Variants in FXR2 observed in about 807,000 individuals in gnomAD.
The protein encoded by FXR2 is FMR1 autosomal homolog 2.
Under a neutral mutation model 87.3 loss-of-function variants are expected in FXR2, and 9 were observed. The observed-to-expected ratio is 0.10, with a 90% CI of 0.06 to 0.18. The LOEUF is 0.18. FXR2 is among the 10% of genes least tolerant of loss of function. FXR2 has a pLI of 1.00. For synonymous variants in FXR2, 331 were observed against 328.3 expected (o/e 1.01, Z -0.09); for missense variants, 661 against 893.6 (o/e 0.74, Z 3.32).
rs1240972258 is a variant in FXR2, at chr17:7,603,871, G to A, written c.335C>T (p.Thr112Ile). The A allele has an allele frequency of 6.8e-6, 11 of 1,613,856 alleles. No homozygotes were observed. The highest frequency in any genetic ancestry group is 9.3e-6 in the Non-Finnish European group (11 of 1,179,876). Reference protein sequence around the residue: ...YVIEYAACDATYNEIVTLERL... With the variant: ...YVIEYAACDAIYNEIVTLERL... ...CTCCAGGGTAACAATTTCATTGTAG[G>A]TGGCATCACAGGCAGCATATTCAAT... The change falls in exon 5 of 17, where the codon ACC becomes ATC. Residue 112 changes from threonine (T) to isoleucine (I), a missense_variant. Around this residue, in one of 3 missense-constraint regions of FXR2, gnomAD observed 170 missense variants for 247.2 expected, o/e 0.69. Coordinates refer to ENST00000250113, the MANE Select transcript of FXR2 (RefSeq NM_004860.4).
Position 7,592,787 on chromosome 17 carries a change from G to C in FXR2, c.1636C>G (p.Arg546Gly). The C allele has an allele frequency of 1.2e-6, 2 of 1,613,712 alleles. No individual in the cohort carries two copies. Among genetic ancestry groups the C allele is most frequent in the Non-Finnish European group, 1.7e-6 (2 of 1,179,820 alleles). The change falls in exon 14 of 17, where the codon CGC becomes GGC. Residue 546 changes from arginine (R) to glycine (G), a missense_variant. Physicochemically the swap from Arg to Gly is moderately radical, Grantham distance 125. Coordinates refer to ENST00000250113, the MANE Select transcript of FXR2 (RefSeq NM_004860.4). The surrounding 1 kb of genome is among the most constrained non-coding windows in gnomAD (Gnocchi z 4.8). Reference protein sequence around the residue: ...GEPPPASARRRRSRRRRTDED... With the variant: ...GEPPPASARRGRSRRRRTDED... The stretch of plus-strand genomic sequence containing the variant: ...TCAGTGCGGCGGCGGCGGGAGCGGC[G>C]GCGCCTGGCACTTGCTGGGGGGGGT...
chr17:7,609,395 C>T lies in FXR2; in HGVS notation c.82-3246G>A, dbSNP rs965268845. On this transcript the variant is annotated intron_variant, in intron 1 of 16. Coordinates refer to ENST00000250113, the MANE Select transcript of FXR2 (RefSeq NM_004860.4). ...GGGATATGTCTTGCTATAGAGGCTG[C>T]AGTCAGTCAAGATCATTCTTGACTG... 2.0e-5 allele frequency among the ~76,000 whole-genome samples: 3 copies of T among 152,264 alleles called. No individual in the cohort carries two copies. The South Asian group carries it at 6.2e-4, about 32-fold the overall frequency.
intron 6 of FXR2, chr17:7,602,686 G>A (rs2071768411): frequency 4.7e-6 from 2 of 422,334 alleles, no homozygotes; most frequent in African/African-American, 4.1e-5. Context: ...CCGAGATCGT[G>A]CCATTGTTCT....
At chr17:7,602,642 T>C (rs1216973623) in intron 6 of FXR2, 4 of 298,168 alleles carry the variant, frequency 1.3e-5, no homozygotes, top group South Asian at 8.8e-5. Flanking sequence ...GGCAGGAGAA[T>C]TGCTTGAACC....
At position 7,593,828 on chromosome 17, in the gene FXR2, C is replaced by CA; in HGVS notation, c.1107+89dup. The CA allele has an allele frequency of 1.1e-6, 1 of 944,122 alleles. No homozygotes were observed. The allele number at this position is 944,122 out of a possible 1,614,324, so 58.5% of individuals were successfully genotyped here. On this transcript the variant is annotated intron_variant, in intron 11 of 16. Transcript: ENST00000250113. This position sits in a 1 kb window ranked among gnomAD's most constrained non-coding sequence, Gnocchi z 6.1. ...ATGTTTTCTGTTCTACACGGAGAGA[C>CA]AAACAGAGAACCAAAATCCCTGAGC...
chr17:7,596,012 T>C lies in FXR2; in HGVS notation c.661-18A>G, dbSNP rs767532628. ...TTGCTTGTCTGAAAGGAAAAGTCACTGTAGGAATCATGGTGGTAGAATCTC... is the reference window on the plus strand; with the variant it reads ...TTGCTTGTCTGAAAGGAAAAGTCACCGTAGGAATCATGGTGGTAGAATCTC... On this transcript the variant is annotated intron_variant, in intron 7 of 16. Coordinates refer to ENST00000250113, the MANE Select transcript of FXR2 (RefSeq NM_004860.4). The C allele has an allele frequency of 1.9e-6, 3 of 1,604,300 alleles. No homozygotes were observed. The highest frequency in any genetic ancestry group is 1.1e-5 in the South Asian group (1 of 90,776).
intron 7 of FXR2, among the ~76,000 whole-genome samples, chr17:7,599,135 CAA>C (rs35150877): frequency 1.3e-3 from 165 of 131,708 alleles, no homozygotes; most frequent in Non-Finnish European, 1.3e-3. Flanking sequence ...AAACTGTCTC[CAA>C]AAAAAAAAAA....
Position 7,592,897 on chromosome 17 carries a change from G to A in FXR2, c.1529-3C>T. On this transcript the variant is annotated splice_region_variant and splice_polypyrimidine_tract_variant and intron_variant, in intron 13 of 16. Coordinates refer to ENST00000250113, the MANE Select transcript of FXR2 (RefSeq NM_004860.4). The surrounding 1 kb of genome is among the most constrained non-coding windows in gnomAD (Gnocchi z 4.8). The stretch of plus-strand genomic sequence containing the variant: ...ATTACTGTCTGGATCCTTCAGCACT[G>A]GTCAGAGGAAGAAGAGGAGGAGTTG... 6.4e-7 allele frequency: 1 copy of A among 1,564,180 alleles called. No individual in the cohort carries two copies. Among genetic ancestry groups the A allele is most frequent in the Non-Finnish European group, 8.7e-7 (1 of 1,154,750 alleles).
rs562441636 is a variant in FXR2, at chr17:7,614,436, C to T, written c.81+16G>A. On this transcript the variant is annotated intron_variant, in intron 1 of 16. Transcript: ENST00000250113. Reference sequence around the variant, plus strand: ...GGGGCTAAGGACCGGCGTCCCCAGTCGGCGCGCCGTCTCACCTTGTAGAAG... The same window carrying T: ...GGGGCTAAGGACCGGCGTCCCCAGTTGGCGCGCCGTCTCACCTTGTAGAAG... 1.9e-5 allele frequency: 29 copies of T among 1,514,760 alleles called. No individual in the cohort carries two copies. The Admixed American group carries it at 3.3e-4, about 17-fold the overall frequency. 93.8% of individuals were successfully genotyped at this position (1,514,760 alleles called of 1,614,324 possible).
intron 1 of FXR2, among the ~76,000 whole-genome samples, chr17:7,610,019 T>A (rs1378304157): frequency 7.4e-6 from 1 of 135,086 alleles, no homozygotes. Context: ...TATATATACA[T>A]GTATATGTAT....
In FXR2 at chr17:7,592,428, C is replaced by T. The variant is rs751315316; in HGVS notation, c.1826-74G>A. On this transcript the variant is annotated intron_variant, in intron 15 of 16. Coordinates refer to ENST00000250113, the MANE Select transcript of FXR2 (RefSeq NM_004860.4). This position sits in a 1 kb window ranked among gnomAD's most constrained non-coding sequence, Gnocchi z 4.8. The stretch of plus-strand genomic sequence containing the variant: ...GCCTAAGACACCCACTGAACCCGAA[C>T]CCCTGATTTTCACAGGGGTGAGCAT... 1.5e-5 allele frequency: 23 copies of T among 1,552,788 alleles called. No individual in the cohort carries two copies. The Admixed American group carries it at 2.7e-4, about 18-fold the overall frequency.
At chr17:7,605,118 C>T (rs904129592) in intron 3 of FXR2, among the ~76,000 whole-genome samples, 2 of 147,564 alleles carry the variant, frequency 1.4e-5, no homozygotes, top group African/African-American at 5.4e-5. Context: ...CCTGTAATCC[C>T]AGCACTTTGG....
intron 6 of FXR2, among the ~76,000 whole-genome samples, chr17:7,602,349 A>G (rs1429511620): frequency 1.3e-5 from 2 of 152,096 alleles, no homozygotes; most frequent in African/African-American, 4.8e-5. Context: ...GTGGATCAGG[A>G]GATCAGCAGT....
In FXR2 at chr17:7,601,453, G is replaced by A. The variant is rs769775559; in HGVS notation, c.616C>T (p.Leu206=). 1.9e-6 allele frequency: 3 copies of A among 1,613,338 alleles called. No homozygotes were observed. Among genetic ancestry groups the A allele is most frequent in the East Asian group, 2.2e-5 (1 of 44,874 alleles). Reference sequence around the variant, plus strand: ...TCTTCATTGCGGGACATAAGTAGCAGTTTGGTGCGCAGGCTTCGGAAATGC... The same window carrying A: ...TCTTCATTGCGGGACATAAGTAGCAATTTGGTGCGCAGGCTTCGGAAATGC... ...DMHFRSLRTK[L]LLMSRNEEAT... is the part of the protein sequence containing the mutation. Residue 206 remains leucine, a synonymous_variant, in exon 7 of 17, where the codon CTG becomes TTG. Transcript: ENST00000250113.
intron 3 of FXR2, among the ~76,000 whole-genome samples, chr17:7,604,304 CT>C (rs2071784160): frequency 6.6e-6 from 1 of 151,924 alleles, no homozygotes; most frequent in South Asian, 2.1e-4. Context: ...GTGGCTCAAG[CT>C]TATAATCCCA....
intron 1 of FXR2, 66 bp from the exon 2 acceptor site, chr17:7,606,215 A>G: frequency 1.9e-6 from 2 of 1,031,560 alleles, no homozygotes; most frequent in East Asian, 2.6e-5. Context: ...TTAGCCATCA[A>G]GGGAATAAGA....
In FXR2 at chr17:7,594,498, C is replaced by G. The variant is rs1024163778; in HGVS notation, c.911-151G>C. ...AGGTTTCTGATGTGTTTTTACAGGA[C>G]AAAATGTTACAATCCCTAGAAATTT... On this transcript the variant is annotated intron_variant, in intron 9 of 16. Coordinates refer to ENST00000250113, the MANE Select transcript of FXR2 (RefSeq NM_004860.4). This position sits in a 1 kb window ranked among gnomAD's most constrained non-coding sequence, Gnocchi z 5.1. The G allele has an allele frequency of 3.0e-6, 2 of 663,780 alleles. No homozygotes were observed. Among genetic ancestry groups the G allele is most frequent in the African/African-American group, 3.6e-5 (2 of 54,914 alleles). The allele number at this position is 663,780 out of a possible 1,614,324, so 41.1% of individuals were successfully genotyped here.
At position 7,593,328 on chromosome 17, in the gene FXR2, A is replaced by G. The variant is rs2071681641; in HGVS notation, c.1330+75T>C. ...CATCATCTCCATTCCAGATTTCCCCAAACTTCCATCCAGACCTCTGCCTCT... is the reference window on the plus strand; with the variant it reads ...CATCATCTCCATTCCAGATTTCCCCGAACTTCCATCCAGACCTCTGCCTCT... On this transcript the variant is annotated intron_variant, in intron 12 of 16. Transcript: ENST00000250113. The surrounding 1 kb of genome is among the most constrained non-coding windows in gnomAD (Gnocchi z 6.1). The G allele has an allele frequency of 7.7e-7, 1 of 1,299,198 alleles. No homozygotes were observed. Among genetic ancestry groups the G allele is most frequent in the East Asian group, 2.5e-5 (1 of 39,484 alleles). The allele number at this position is 1,299,198 out of a possible 1,614,324, so 80.5% of individuals were successfully genotyped here.
rs759684574 is a variant in FXR2, at chr17:7,614,559, C to A, written c.-27G>T. The A allele has an allele frequency of 7.8e-6, 11 of 1,413,962 alleles. No individual in the cohort carries two copies. The South Asian group carries it at 1.4e-4, about 18-fold the overall frequency. 87.6% of individuals were successfully genotyped at this position (1,413,962 alleles called of 1,614,324 possible). On this transcript the variant is annotated 5_prime_UTR_variant, in exon 1 of 17. Coordinates refer to ENST00000250113, the MANE Select transcript of FXR2 (RefSeq NM_004860.4). Reference sequence around the variant, plus strand: ...GCGCCGCCACCGCCTCCGACTCCCCCGGCGGCGGCTGCAGCAGCAGTCTGA... The same window carrying A: ...GCGCCGCCACCGCCTCCGACTCCCCAGGCGGCGGCTGCAGCAGCAGTCTGA...
Sources: gnomAD v4.1 joint callset for allele counts (sites outside exome capture counted in the v4.1 genomes callset) on GRCh38, gnomAD v4.1.1 for gene constraint, gnomAD v4.1.1 regional missense constraint, Gnocchi (gnomAD v3.1) non-coding constraint, MANE v1.5 for transcripts, NCBI Gene and HGNC (gene_info 2026-07-23, HGNC 2026-07-21) for gene names.